BABAM2: variants seen among roughly 807,000 people sequenced by gnomAD.
The protein encoded by BABAM2 is BRISC and BRCA1-A complex member 2.
In BABAM2, 31 loss-of-function variants were observed where a neutral mutation model predicts 54.7. That is an observed-to-expected ratio of 0.57 (90% CI 0.43 to 0.77). BABAM2 has a LOEUF of 0.77. Ranked by LOEUF, BABAM2 falls within the 30% of genes least tolerant of loss-of-function variation. The pLI is 0.00. For synonymous variants in BABAM2, 167 were observed against 162.9 expected (o/e 1.03, Z -0.19); for missense variants, 364 against 455.8 (o/e 0.80, Z 1.83).
intron 5 of BABAM2, among the ~76,000 whole-genome samples, chr2:28,036,438 A>T (rs1676666893): frequency 6.6e-6 from 1 of 152,200 alleles, no homozygotes; most frequent in South Asian, 2.1e-4. Context: ...AAATGTGTTG[A>T]TTAGATCAGG....
chr2:28,243,825 A>G (rs1274329703), intron 9 of BABAM2, among the ~76,000 whole-genome samples: 1 of 152,174 alleles, frequency 6.6e-6, no homozygotes. Context: ...TAGTTCTTTT[A>G]CCTTTATAAG....
chr2:28,085,992 A>G (rs770620712), intron 6 of BABAM2, among the ~76,000 whole-genome samples: 1 of 152,168 alleles, frequency 6.6e-6, no homozygotes, highest in East Asian at 1.9e-4. Flanking sequence ...CTGTACAGGG[A>G]TAAGTACTTA....
In BABAM2 at chr2:27,995,831, C is replaced by T. The variant is rs775444899; in HGVS notation, c.300+7744C>T. Among the ~76,000 whole-genome samples the T allele has an allele frequency of 2.0e-5, 3 of 152,142 alleles. No homozygotes were observed. The highest frequency in any genetic ancestry group is 6.5e-5 in the Admixed American group (1 of 15,278). On this transcript the variant is annotated intron_variant, in intron 4 of 11. Transcript: ENST00000379624. This position sits in a 1 kb window ranked among gnomAD's most constrained non-coding sequence, Gnocchi z 4.1. ...TCCTGACCTCATGATCTGCCCACCT[C>T]GGCCTCCCAAAGTGCTGGGATTACA...
At chr2:28,230,167 C>G (rs896214305) in intron 7 of BABAM2, among the ~76,000 whole-genome samples, 1 of 152,194 alleles carries the variant, frequency 6.6e-6, no homozygotes, top group African/African-American at 2.4e-5. Context: ...TGAATTGATG[C>G]TTCCATGAGC....
chr2:28,016,096 A>G, intron 4 of BABAM2: 1 of 880,302 alleles, frequency 1.1e-6, no homozygotes, highest in South Asian at 1.4e-5. Flanking sequence ...TTTCTTTCTC[A>G]GTTTTCCGTG....
At chr2:28,116,588 T>A (rs1668637585) in intron 6 of BABAM2, among the ~76,000 whole-genome samples, 2 of 152,170 alleles carry the variant, frequency 1.3e-5, no homozygotes, top group Admixed American at 1.3e-4. Flanking sequence ...CTGTCTTCAC[T>A]CACAGAGCCA....
chr2:28,225,275 C>T (rs1023556632), intron 7 of BABAM2, among the ~76,000 whole-genome samples: 4 of 152,132 alleles, frequency 2.6e-5, no homozygotes, highest in African/African-American at 4.8e-5. Flanking sequence ...CAAAGACAGT[C>T]GGGCTAACAA....
At chr2:28,015,521 T>A (rs1242264761) in intron 4 of BABAM2, among the ~76,000 whole-genome samples, 1 of 152,146 alleles carries the variant, frequency 6.6e-6, no homozygotes, top group African/African-American at 2.4e-5. Context: ...GTGTATTATC[T>A]ACCAGAGTTA....
intron 10 of BABAM2, among the ~76,000 whole-genome samples, chr2:28,272,005 T>C (rs61657640): frequency 0.088 from 13,357 of 152,160 alleles, 684 homozygotes; most frequent in Middle Eastern, 0.16. Flanking sequence ...ACAAATACAT[T>C]TTGGAAGGGG....
intron 2 of BABAM2, among the ~76,000 whole-genome samples, chr2:27,907,615 C>T (rs897562518): frequency 2.6e-5 from 4 of 151,988 alleles, no homozygotes; most frequent in African/African-American, 7.3e-5. Context: ...CATTTGGAGA[C>T]GTATATCTCC....
intron 6 of BABAM2, among the ~76,000 whole-genome samples, chr2:28,089,417 G>A (rs1475006283): frequency 6.6e-6 from 1 of 152,142 alleles, no homozygotes; most frequent in Non-Finnish European, 1.5e-5. Flanking sequence ...AGGTCTTGAG[G>A]GCAGTTTGCT....
chr2:27,975,466 A>T (rs1410865506), intron 3 of BABAM2, among the ~76,000 whole-genome samples: 1 of 152,116 alleles, frequency 6.6e-6, no homozygotes, highest in Non-Finnish European at 1.5e-5. Context: ...ACGCAAAGGC[A>T]CTTCAATGGC....
intron 11 of BABAM2, among the ~76,000 whole-genome samples, chr2:28,336,863 TG>T (rs1691516335): frequency 6.6e-6 from 1 of 152,262 alleles, no homozygotes; most frequent in Non-Finnish European, 1.5e-5. Flanking sequence ...TGAGTGCTCG[TG>T]CTTCCTGAGC....
chr2:28,024,933 G>A (rs184004320), intron 4 of BABAM2, among the ~76,000 whole-genome samples: 2 of 152,226 alleles, frequency 1.3e-5, no homozygotes, highest in South Asian at 4.2e-4. Context: ...GGTCTTCTAG[G>A]ATATTTAGGT....
intron 2 of BABAM2, among the ~76,000 whole-genome samples, chr2:27,898,486 A>C (rs1030490108): frequency 3.3e-5 from 5 of 152,232 alleles, no homozygotes; most frequent in Non-Finnish European, 7.3e-5. Flanking sequence ...TAAAATGAAC[A>C]ATCAGATTAG....
intron 7 of BABAM2, among the ~76,000 whole-genome samples, chr2:28,178,974 A>G (rs1454729643): frequency 6.6e-6 from 1 of 152,080 alleles, no homozygotes; most frequent in Non-Finnish European, 1.5e-5. Context: ...TGAATAATGA[A>G]CTACAAGATT....
chr2:28,198,832 A>C (rs1293085924), intron 7 of BABAM2, among the ~76,000 whole-genome samples: 2 of 152,180 alleles, frequency 1.3e-5, no homozygotes, highest in Non-Finnish European at 2.9e-5. Flanking sequence ...ATAAAAAGGA[A>C]AGGAAAAAGG....
At chr2:28,061,141 AGAT>A (rs1235919253) in intron 6 of BABAM2, among the ~76,000 whole-genome samples, 3 of 152,246 alleles carry the variant, frequency 2.0e-5, no homozygotes, top group Non-Finnish European at 2.9e-5. Flanking sequence ...ATACCAGTAT[AGAT>A]CATTGGAACA....
chr2:28,338,011 A>G (rs1691618495), intron 11 of BABAM2, among the ~76,000 whole-genome samples: 1 of 152,110 alleles, frequency 6.6e-6, no homozygotes, highest in Admixed American at 6.5e-5. Flanking sequence ...GTGTTAAAAA[A>G]CTTATTAGAC....
Sources: allele counts gnomAD v4.1 joint callset (sites outside exome capture counted in the v4.1 genomes callset), GRCh38; gene constraint gnomAD v4.1.1; non-coding constraint Gnocchi (gnomAD v3.1); transcripts MANE v1.5; gene names NCBI Gene and HGNC (gene_info 2026-07-23, HGNC 2026-07-21).